Variants in KLHL29 observed in about 807,000 individuals in gnomAD.
KLHL29 encodes kelch-like protein 29.
Under a neutral mutation model 80.4 loss-of-function variants are expected in KLHL29, and 21 were observed. The ratio of observed to expected loss-of-function variants is 0.26; its 90% CI spans 0.19 to 0.38. The LOEUF is 0.38. KLHL29 is among the 10% of genes least tolerant of loss of function. The pLI is 1.00. For synonymous variants in KLHL29, 511 were observed against 526.8 expected, an observed-to-expected ratio of 0.97 and a Z score of 0.41; for missense variants, 867 against 1,223.9, an observed-to-expected ratio of 0.71 and a Z score of 4.35.
chr2:23,615,068 G>A (rs1290797912), intron 3 of KLHL29, among the ~76,000 whole-genome samples: 2 of 152,200 alleles, frequency 1.3e-5, no homozygotes, highest in Admixed American at 1.3e-4. Context: ...TCCTTTCACA[G>A]CTCGGCGCTT....
Position 23,526,482 on chromosome 2 carries a change from G to T in KLHL29, c.-45-35670G>T, listed in dbSNP as rs113002899. Among the ~76,000 whole-genome samples, 14 of 152,316 alleles carry T rather than the reference G, an allele frequency of 9.2e-5. No individual in the cohort carries two copies. The East Asian group carries it at 2.7e-3, about 29-fold the overall frequency. Reference sequence around the variant, plus strand: ...GGAGAGCCTGGAGAGAGCCTGAGACGCCCTGAATTCCAGGTGAGGTGTCTG... The same window carrying T: ...GGAGAGCCTGGAGAGAGCCTGAGACTCCCTGAATTCCAGGTGAGGTGTCTG... On this transcript the variant is annotated intron_variant, in intron 2 of 13. Transcript: ENST00000486442.
chr2:23,438,420 C>G lies in KLHL29; in HGVS notation c.-153-37140C>G, dbSNP rs1299416320. ...CAAAGGGAATGCTTCCAGTTTTTGC[C>G]CATTCGGTATGATATCGGCTGTGGG... On this transcript the variant is annotated intron_variant, in intron 1 of 13. Transcript: ENST00000486442. 3.2e-5 allele frequency among the ~76,000 whole-genome samples: 4 copies of G among 126,950 alleles called. 1 individual carries two copies. Among genetic ancestry groups the G allele is most frequent in the Non-Finnish European group, 6.5e-5 (4 of 61,298 alleles). The allele number at this position is 126,950 out of a possible 152,430, so 83.3% of individuals were successfully genotyped here. A position where few individuals can be genotyped will look rare whatever the true frequency, so the allele number is the denominator to read the frequency against.
intron 2 of KLHL29, among the ~76,000 whole-genome samples, chr2:23,557,538 G>A (rs989061944): frequency 3.3e-5 from 5 of 152,042 alleles, no homozygotes; most frequent in Non-Finnish European, 2.9e-5. Flanking sequence ...GGTGGGGGAC[G>A]GGAGTGGTGG....
intron 1 of KLHL29, among the ~76,000 whole-genome samples, chr2:23,445,116 A>G (rs1266850808): frequency 1.3e-5 from 2 of 152,176 alleles, no homozygotes; most frequent in African/African-American, 4.8e-5. Flanking sequence ...CATTTCACTT[A>G]AAGTTGCAGT....
chr2:23,487,002 C>T (rs746988495), intron 2 of KLHL29, among the ~76,000 whole-genome samples: 2 of 152,108 alleles, frequency 1.3e-5, no homozygotes, highest in Non-Finnish European at 2.9e-5. Context: ...TCTCCTGTAC[C>T]GAGAAGTAAA....
chr2:23,559,065 G>C (rs962177152), intron 2 of KLHL29, among the ~76,000 whole-genome samples: 15 of 152,308 alleles, frequency 9.8e-5, no homozygotes, highest in Non-Finnish European at 2.2e-4. Flanking sequence ...GTAAGTTCAG[G>C]GTTCTAGAAG....
intron 1 of KLHL29, among the ~76,000 whole-genome samples, chr2:23,445,954 A>G (rs1663661863): frequency 6.6e-6 from 1 of 152,152 alleles, no homozygotes; most frequent in South Asian, 2.1e-4. Flanking sequence ...TTTTCCTTTC[A>G]GAGAATTTCT....
intron 3 of KLHL29, among the ~76,000 whole-genome samples, chr2:23,595,530 G>A (rs2103519040): frequency 6.6e-6 from 1 of 152,378 alleles, no homozygotes; most frequent in South Asian, 2.1e-4. Flanking sequence ...GCTGGACACT[G>A]GCAGAGGTAC....
At chr2:23,656,948 AAAAAC>A (rs1375121492) in intron 5 of KLHL29, among the ~76,000 whole-genome samples, 1 of 152,010 alleles carries the variant, frequency 6.6e-6, no homozygotes, top group Admixed American at 6.5e-5. Flanking sequence ...AAAAAAAAAA[AAAAAC>A]TGGTTTCTAC....
chr2:23,645,004 G>A (rs999674441), intron 5 of KLHL29, among the ~76,000 whole-genome samples: 6 of 152,180 alleles, frequency 3.9e-5, no homozygotes, highest in African/African-American at 1.2e-4. Flanking sequence ...CATGTAACTC[G>A]CTTCTCTATT....
At chr2:23,650,161 G>A (rs1670051110) in intron 5 of KLHL29, among the ~76,000 whole-genome samples, 1 of 152,228 alleles carries the variant, frequency 6.6e-6, no homozygotes, top group Non-Finnish European at 1.5e-5. Flanking sequence ...CCCTGGGGGA[G>A]CTGGGGAGAC....
rs749010299 is a variant in KLHL29 at position 23,693,515 on chromosome 2, C to T, written c.1529C>T (p.Ala510Val). The change falls in exon 8 of 14, where the codon GCG becomes GTG. Residue 510 changes from alanine to valine, a missense_variant. Physicochemically the swap from Ala to Val is moderately conservative, Grantham distance 64. Transcript: ENST00000486442. ...ATCAAGTGGATCAAGAAGGACCCCG[C>T]GACACGCACACAGGTGGGGCCTGCC... ...TVIKWIKKDP[A>V]TRTQYAAELL... 2.9e-5 allele frequency: 45 copies of T among 1,550,224 alleles called. No individual in the cohort carries two copies. The highest frequency in any genetic ancestry group is 5.5e-5 in the African/African-American group (4 of 73,046).
intron 5 of KLHL29, among the ~76,000 whole-genome samples, chr2:23,653,246 A>C (rs1670135531): frequency 6.6e-6 from 1 of 152,116 alleles, no homozygotes; most frequent in Non-Finnish European, 1.5e-5. Flanking sequence ...TAGCTATCAC[A>C]TTTCCCCCAG....
intron 1 of KLHL29, among the ~76,000 whole-genome samples, chr2:23,425,510 T>C (rs1406643652): frequency 6.6e-6 from 1 of 152,172 alleles, no homozygotes; most frequent in Non-Finnish European, 1.5e-5. Context: ...TTTAGGAGTG[T>C]TGCCTTTGAG....
intron 1 of KLHL29, among the ~76,000 whole-genome samples, chr2:23,417,242 C>T (rs1002502321): frequency 2.6e-5 from 4 of 152,128 alleles, no homozygotes; most frequent in African/African-American, 9.7e-5. Context: ...CTTTTCCCTG[C>T]CCATTCATTC....
chr2:23,443,683 A>G (rs571337524), intron 1 of KLHL29, among the ~76,000 whole-genome samples: 3 of 152,352 alleles, frequency 2.0e-5, no homozygotes, highest in African/African-American at 7.2e-5. Context: ...ACTTTTCGTA[A>G]GAATATTTTT....
At chr2:23,679,863 T>C (rs1671026229) in intron 5 of KLHL29, among the ~76,000 whole-genome samples, 1 of 151,968 alleles carries the variant, frequency 6.6e-6, no homozygotes, top group South Asian at 2.1e-4. Flanking sequence ...GGATAAATAC[T>C]GCTTGGCCAG....
intron 2 of KLHL29, among the ~76,000 whole-genome samples, chr2:23,529,322 C>T (rs1166056103): frequency 6.6e-6 from 1 of 152,018 alleles, no homozygotes; most frequent in African/African-American, 2.4e-5. Context: ...GCTATGTTGC[C>T]CAGGCTGGTC....
At chr2:23,501,711 T>C (rs1347040) in intron 2 of KLHL29, among the ~76,000 whole-genome samples, 28,130 of 152,100 alleles carry the variant, frequency 0.18, 3,214 homozygotes, top group East Asian at 0.56. Context: ...ACTGACAGCC[T>C]ATAGGTCCCC....
Sources: gnomAD v4.1 joint callset for allele counts (sites outside exome capture counted in the v4.1 genomes callset) on GRCh38, gnomAD v4.1.1 for gene constraint, MANE v1.5 for transcripts, NCBI Gene and HGNC (gene_info 2026-07-23, HGNC 2026-07-21) for gene names.